ADCY8: variants seen among roughly 807,000 people sequenced by gnomAD.
ADCY8 encodes adenylate cyclase 8.
Under a neutral mutation model 119.7 loss-of-function variants are expected in ADCY8, and 51 were observed. The observed-to-expected ratio is 0.43, with a 90% CI of 0.34 to 0.54. ADCY8 has a LOEUF of 0.54. Ranked by LOEUF, ADCY8 falls within the 20% of genes least tolerant of loss-of-function variation. The probability of loss-of-function intolerance (pLI) is 0.03; values close to 1 mark genes in which losing one functional copy is unlikely to be tolerated. For missense variants in ADCY8, 1,383 were observed against 1,598.8 expected (o/e 0.87, Z 2.30); for synonymous variants, 665 against 651.0 (o/e 1.02, Z -0.33).
At chr8:131,006,394 T>C (rs757715991) in intron 1 of ADCY8, among the ~76,000 whole-genome samples, 1 of 152,182 alleles carries the variant, frequency 6.6e-6, no homozygotes, top group Non-Finnish European at 1.5e-5. Context: ...GTGACCTCTG[T>C]GTGCTTGTGG....
Position 131,040,625 on chromosome 8 carries a change from G to T in ADCY8, c.-292C>A, listed in dbSNP as rs1824364300. ...CAGTGGCTATTTGTCCTCAGGAGCCGCAGCGCTGTGAGCCACGCAGCCCCT... is the reference window on the plus strand; with the variant it reads ...CAGTGGCTATTTGTCCTCAGGAGCCTCAGCGCTGTGAGCCACGCAGCCCCT... On this transcript the variant is annotated 5_prime_UTR_variant, in exon 1 of 18. Coordinates refer to ENST00000286355, the MANE Select transcript of ADCY8 (RefSeq NM_001115.3). The T allele has an allele frequency of 3.3e-6, 1 of 300,632 alleles. No individual in the cohort carries two copies. The highest frequency in any genetic ancestry group is 1.4e-4 in the South Asian group (1 of 6,922). 18.6% of individuals were successfully genotyped at this position (300,632 alleles called of 1,614,324 possible).
intron 15 of ADCY8, among the ~76,000 whole-genome samples, chr8:130,798,704 A>C (rs1338906793): frequency 6.6e-6 from 1 of 152,184 alleles, no homozygotes; most frequent in Admixed American, 6.5e-5. Flanking sequence ...CTAGGAGAGA[A>C]ATAATATGGT....
chr8:131,015,416 G>A (rs754692565), intron 1 of ADCY8, among the ~76,000 whole-genome samples: 1 of 152,136 alleles, frequency 6.6e-6, no homozygotes, highest in Non-Finnish European at 1.5e-5. Flanking sequence ...CACTATGCAG[G>A]TATCCAAAGG....
chr8:130,813,460 C>T (rs1304095719), intron 14 of ADCY8, among the ~76,000 whole-genome samples: 1 of 152,184 alleles, frequency 6.6e-6, no homozygotes, highest in African/African-American at 2.4e-5. Context: ...ACTCTAGGTA[C>T]CTTATATAAG....
Position 130,990,376 on chromosome 8 carries a change from G to A in ADCY8, c.1110+17C>T, listed in dbSNP as rs1217398567. On this transcript the variant is annotated intron_variant, in intron 2 of 17. Coordinates refer to ENST00000286355, the MANE Select transcript of ADCY8 (RefSeq NM_001115.3). ...GGCTAGGTGATAACTAAAACACACAGCCTTGTCAGTTGGTACCTGTCTTTG... is the reference window on the plus strand; with the variant it reads ...GGCTAGGTGATAACTAAAACACACAACCTTGTCAGTTGGTACCTGTCTTTG... 4.3e-6 allele frequency: 7 copies of A among 1,613,408 alleles called. No individual in the cohort carries two copies. The Admixed American group carries it at 1.2e-4, about 27-fold the overall frequency.
intron 2 of ADCY8, among the ~76,000 whole-genome samples, chr8:130,952,359 C>G (rs527427850): frequency 6.6e-6 from 1 of 152,078 alleles, no homozygotes; most frequent in African/African-American, 2.4e-5. Flanking sequence ...TTGATGACAG[C>G]GATGCATATC....
chr8:131,025,989 C>T (rs533688420), intron 1 of ADCY8, among the ~76,000 whole-genome samples: 1 of 152,318 alleles, frequency 6.6e-6, no homozygotes, highest in South Asian at 2.1e-4. Flanking sequence ...TTTTCCTCAC[C>T]ACAGCACCCC....
intron 14 of ADCY8, among the ~76,000 whole-genome samples, chr8:130,812,270 G>C (rs1285620412): frequency 2.0e-5 from 3 of 146,868 alleles, no homozygotes; most frequent in Admixed American, 2.0e-4. Context: ...CGCCCATGGA[G>C]CTTGACCATT....
At position 131,011,060 on chromosome 8, in the gene ADCY8, A is replaced by T. The variant is rs534909221; in HGVS notation, c.961-20518T>A. On this transcript the variant is annotated intron_variant, in intron 1 of 17. Transcript: ENST00000286355. ...CATGAAACAGATGTAGAAGTGAGCA[A>T]AAGAGGTATACCTTGGAAAATCCAG... 1.1e-4 allele frequency among the ~76,000 whole-genome samples: 16 copies of T among 152,348 alleles called. No homozygotes were observed. The South Asian group carries it at 1.7e-3, about 16-fold the overall frequency.
At chr8:131,019,762 A>G (rs1823593920) in intron 1 of ADCY8, among the ~76,000 whole-genome samples, 1 of 140,842 alleles carries the variant, frequency 7.1e-6, no homozygotes, top group East Asian at 2.2e-4. Flanking sequence ...TGCTCTTACT[A>G]TCTGCTGGGA....
chr8:130,910,645 C>T (rs1415214694), intron 5 of ADCY8, among the ~76,000 whole-genome samples: 1 of 152,198 alleles, frequency 6.6e-6, no homozygotes, highest in East Asian at 1.9e-4. Flanking sequence ...AATGTTAGAA[C>T]TTCCATTCAC....
intron 3 of ADCY8, 62 bp downstream of exon 3, chr8:130,951,806 T>A (rs1294335068): frequency 6.3e-7 from 1 of 1,591,514 alleles, no homozygotes. Flanking sequence ...GGAAGTGCAA[T>A]GAGAGCACCC....
intron 2 of ADCY8, among the ~76,000 whole-genome samples, chr8:130,977,736 G>A (rs1222109079): frequency 6.6e-6 from 1 of 152,196 alleles, no homozygotes; most frequent in African/African-American, 2.4e-5. Flanking sequence ...GAGAGGTTAG[G>A]TACTTGTCCT....
intron 8 of ADCY8, among the ~76,000 whole-genome samples, chr8:130,873,462 G>A (rs1310312617): frequency 2.0e-5 from 3 of 152,006 alleles, no homozygotes; most frequent in Non-Finnish European, 4.4e-5. Context: ...GGGATTACAG[G>A]CATGCGCCAC....
intron 15 of ADCY8, among the ~76,000 whole-genome samples, chr8:130,793,464 T>C (rs1356243797): frequency 6.6e-6 from 1 of 152,216 alleles, no homozygotes; most frequent in Non-Finnish European, 1.5e-5. Context: ...TCTCTGTCTA[T>C]TGTACAACAT....
chr8:130,938,454 A>T (rs1820859042), intron 4 of ADCY8, among the ~76,000 whole-genome samples: 1 of 152,082 alleles, frequency 6.6e-6, no homozygotes, highest in South Asian at 2.1e-4. Flanking sequence ...ATGACCTCTG[A>T]GATGCCTTCT....
At chr8:130,853,577 GTTTTTTT>G (rs5742176) in intron 9 of ADCY8, among the ~76,000 whole-genome samples, 93,913 of 147,606 alleles carry the variant, frequency 0.64, 30,185 homozygotes, top group East Asian at 0.81. Flanking sequence ...TAAAATTGAT[GTTTTTTT>G]TTTTTTTTTT....
chr8:130,972,232 C>A (rs1821944749), intron 2 of ADCY8, among the ~76,000 whole-genome samples: 1 of 152,182 alleles, frequency 6.6e-6, no homozygotes, highest in South Asian at 2.1e-4. Context: ...ATGTGTCAAG[C>A]CCTGTACATG....
At chr8:130,844,106 C>T (rs1268960040) in intron 11 of ADCY8, among the ~76,000 whole-genome samples, 1 of 152,138 alleles carries the variant, frequency 6.6e-6, no homozygotes, top group Admixed American at 6.5e-5. Flanking sequence ...ACTGCTCTTG[C>T]AGATACAGTG....
Sources: allele counts gnomAD v4.1 joint callset (sites outside exome capture counted in the v4.1 genomes callset), GRCh38; gene constraint gnomAD v4.1.1; transcripts MANE v1.5; gene names NCBI Gene and HGNC (gene_info 2026-07-23, HGNC 2026-07-21).